Variants in MAGI1 observed in about 807,000 individuals in gnomAD.
MAGI1 encodes membrane-associated guanylate kinase, WW and PDZ domain-containing protein 1.
In MAGI1, 58 loss-of-function variants were observed where a neutral mutation model predicts 139.9. That is an observed-to-expected ratio of 0.41 (90% CI 0.34 to 0.52). MAGI1 has a LOEUF of 0.52. Ranked by LOEUF, MAGI1 falls within the 20% of genes least tolerant of loss-of-function variation. The pLI is 0.12. For missense variants in MAGI1, 1,874 were observed against 1,901.6 expected (o/e 0.99, Z 0.27); for synonymous variants, 812 against 737.9 (o/e 1.10, Z -1.63).
At chr3:65,701,163 T>C (rs1420441307) in intron 1 of MAGI1, among the ~76,000 whole-genome samples, 1 of 150,008 alleles carries the variant, frequency 6.7e-6, no homozygotes, top group Non-Finnish European at 1.5e-5. Flanking sequence ...TCTGTAAGGT[T>C]TTCATGTATC....
chr3:65,617,086 T>G (rs2083415942), intron 2 of MAGI1, among the ~76,000 whole-genome samples: 1 of 152,258 alleles, frequency 6.6e-6, no homozygotes. Context: ...CACCTATGTT[T>G]ACCACATCAA....
At position 65,936,480 on chromosome 3, in the gene MAGI1, A is replaced by C. The variant is rs138763572; in HGVS notation, c.313+101516T>G. 2.5e-3 allele frequency among the ~76,000 whole-genome samples: 387 copies of C among 152,182 alleles called. 2 individuals carry two copies. The highest frequency in any genetic ancestry group is 8.7e-3 in the African/African-American group (363 of 41,524). Reference sequence around the variant, plus strand: ...TGGCGAAACCCCGTCTCTACTAAAAATACAAAAATTAGCTGGGTGTGGCTG... The same window carrying C: ...TGGCGAAACCCCGTCTCTACTAAAACTACAAAAATTAGCTGGGTGTGGCTG... On this transcript the variant is annotated intron_variant, in intron 1 of 22. Coordinates refer to ENST00000402939, the MANE Select transcript of MAGI1 (RefSeq NM_001033057.2).
intron 1 of MAGI1, among the ~76,000 whole-genome samples, chr3:65,804,473 T>A (rs1467936551): frequency 3.3e-5 from 5 of 151,882 alleles, no homozygotes; most frequent in Admixed American, 3.3e-4. Flanking sequence ...GTTATACTGA[T>A]ATAAATTATA....
intron 1 of MAGI1, among the ~76,000 whole-genome samples, chr3:65,813,697 G>A (rs2041425979): frequency 6.6e-6 from 1 of 152,154 alleles, no homozygotes; most frequent in South Asian, 2.1e-4. Flanking sequence ...GAAATAATGA[G>A]AAATACGCAG....
intron 1 of MAGI1, among the ~76,000 whole-genome samples, chr3:66,003,083 G>T (rs1426670128): frequency 6.6e-6 from 1 of 151,978 alleles, no homozygotes; most frequent in Non-Finnish European, 1.5e-5. Context: ...TGATCCATCT[G>T]CCCTGAACAT....
intron 1 of MAGI1, among the ~76,000 whole-genome samples, chr3:66,034,784 T>C (rs1359036031): frequency 6.6e-6 from 1 of 151,946 alleles, no homozygotes; most frequent in African/African-American, 2.4e-5. Context: ...CAAAACGAAA[T>C]CTCCAAAATA....
At chr3:65,680,385 C>G (rs1046401989) in intron 1 of MAGI1, among the ~76,000 whole-genome samples, 12 of 152,120 alleles carry the variant, frequency 7.9e-5, no homozygotes, top group Admixed American at 7.9e-4. Flanking sequence ...CAGGAGAGCT[C>G]TTGTGAAGGA....
intron 1 of MAGI1, among the ~76,000 whole-genome samples, chr3:65,653,852 C>T (rs1217033536): frequency 6.6e-6 from 1 of 152,142 alleles, no homozygotes; most frequent in East Asian, 1.9e-4. Context: ...ACTGCACTTA[C>T]CATGTGACTC....
At chr3:65,777,996 T>C (rs974713178) in intron 1 of MAGI1, among the ~76,000 whole-genome samples, 3 of 152,206 alleles carry the variant, frequency 2.0e-5, no homozygotes, top group Non-Finnish European at 2.9e-5. Flanking sequence ...ATGGTGGGCA[T>C]CATTTATTCA....
chr3:65,992,981 T>A (rs2066257354), intron 1 of MAGI1, among the ~76,000 whole-genome samples: 1 of 152,062 alleles, frequency 6.6e-6, no homozygotes, highest in Admixed American at 6.6e-5. Context: ...CACGCCATCA[T>A]GCCTGGCTAT....
At chr3:66,006,870 A>C (rs1194892788) in intron 1 of MAGI1, among the ~76,000 whole-genome samples, 1 of 151,640 alleles carries the variant, frequency 6.6e-6, no homozygotes, top group Non-Finnish European at 1.5e-5. Flanking sequence ...TCACTCTCTC[A>C]CCCAGTCTGG....
At chr3:65,650,048 T>A (rs146154341) in intron 1 of MAGI1, among the ~76,000 whole-genome samples, 57 of 152,208 alleles carry the variant, frequency 3.7e-4, no homozygotes, top group African/African-American at 1.3e-3. Context: ...AATGCAACAA[T>A]GTTGAGAGGT....
intron 1 of MAGI1, among the ~76,000 whole-genome samples, chr3:65,852,094 C>T (rs1030312659): frequency 2.6e-5 from 4 of 152,162 alleles, no homozygotes; most frequent in Admixed American, 6.5e-5. Context: ...ACTTGTCAAA[C>T]CAGGAAGATA....
At chr3:65,858,415 G>A (rs1253341129) in intron 1 of MAGI1, among the ~76,000 whole-genome samples, 2 of 152,214 alleles carry the variant, frequency 1.3e-5, no homozygotes, top group Non-Finnish European at 2.9e-5. Flanking sequence ...ATGGGTCTCT[G>A]CTGCATTCAA....
intron 1 of MAGI1, among the ~76,000 whole-genome samples, chr3:65,830,635 C>A (rs966514667): frequency 6.6e-6 from 1 of 151,980 alleles, no homozygotes; most frequent in African/African-American, 2.4e-5. Flanking sequence ...TATTTGCTAA[C>A]AATTTTCCAT....
intron 12 of MAGI1, among the ~76,000 whole-genome samples, chr3:65,426,653 A>AT (rs1947065490): frequency 6.6e-6 from 1 of 152,188 alleles, no homozygotes; most frequent in African/African-American, 2.4e-5. Context: ...AAGCCTTCTC[A>AT]TTACATCCCC....
chr3:65,933,820 G>C (rs13327063), intron 1 of MAGI1, among the ~76,000 whole-genome samples: 2,001 of 152,244 alleles, frequency 0.013, 40 homozygotes, highest in African/African-American at 0.045. Context: ...GCAAATAAAT[G>C]TATTATAAAC....
chr3:65,364,554 A>T (rs1020129195), intron 20 of MAGI1, 111 bp downstream of exon 20: 1 of 901,678 alleles, frequency 1.1e-6, no homozygotes, highest in Non-Finnish European at 1.8e-6. Flanking sequence ...ACCTCACAAA[A>T]GGTTATTTCT....
At chr3:65,779,179 T>C (rs2038728967) in intron 1 of MAGI1, among the ~76,000 whole-genome samples, 2 of 152,236 alleles carry the variant, frequency 1.3e-5, no homozygotes, top group South Asian at 2.1e-4. Flanking sequence ...CTCACTCATT[T>C]TTTTTCTTCA....
Sources: gnomAD v4.1 joint callset for allele counts (sites outside exome capture counted in the v4.1 genomes callset) on GRCh38, gnomAD v4.1.1 for gene constraint, MANE v1.5 for transcripts, NCBI Gene and HGNC (gene_info 2026-07-23, HGNC 2026-07-21) for gene names.